The following MAPKAPK3 variants were observed in gnomAD, a reference collection of about 807,000 sequenced individuals.
The protein encoded by MAPKAPK3 is MAP kinase-activated protein kinase 3.
In MAPKAPK3, 35 loss-of-function variants were observed where a neutral mutation model predicts 49.2. The ratio of observed to expected loss-of-function variants is 0.71; its 90% CI spans 0.54 to 0.94. The LOEUF (loss-of-function observed/expected upper bound fraction) is 0.94, where lower values mean the gene tolerates loss of function less well. Among genes scored for constraint, MAPKAPK3 ranks in the 40% least tolerant of loss-of-function variants. The probability of loss-of-function intolerance (pLI) is 0.00; values close to 1 mark genes in which losing one functional copy is unlikely to be tolerated. For missense variants in MAPKAPK3, 398 were observed against 493.1 expected, an observed-to-expected ratio of 0.81 and a Z score of 1.83; for synonymous variants, 178 against 188.7, an observed-to-expected ratio of 0.94 and a Z score of 0.46.
At chr3:50,644,123 C>T (rs1466405987) in intron 5 of MAPKAPK3, among the ~76,000 whole-genome samples, 3 of 152,208 alleles carry the variant, frequency 2.0e-5, no homozygotes, top group African/African-American at 7.2e-5. Flanking sequence ...ATGGCAATGT[C>T]ACCAACTCAG....
At chr3:50,621,744 G>A (rs2032615882) in intron 2 of MAPKAPK3, among the ~76,000 whole-genome samples, 1 of 152,152 alleles carries the variant, frequency 6.6e-6, no homozygotes, top group South Asian at 2.1e-4. Context: ...CTGTACTCCA[G>A]CCTGGGTGAC....
upstream of MAPKAPK3, chr3:50,611,890 G>C (rs1022174453): frequency 3.7e-6 from 2 of 537,138 alleles, no homozygotes; most frequent in Non-Finnish European, 3.0e-6. Flanking sequence ...CCCGGAAGCA[G>C]CGTCTTCCTA....
At chr3:50,632,889 G>A (rs1156714272) in intron 2 of MAPKAPK3, among the ~76,000 whole-genome samples, 1 of 152,254 alleles carries the variant, frequency 6.6e-6, no homozygotes, top group Non-Finnish European at 1.5e-5. Flanking sequence ...GCACTGGGGT[G>A]AGCTGGATGG....
At chr3:50,620,543 A>G (rs1020388804) in intron 2 of MAPKAPK3, among the ~76,000 whole-genome samples, 1 of 152,096 alleles carries the variant, frequency 6.6e-6, no homozygotes, top group Non-Finnish European at 1.5e-5. Context: ...AACTCAGCAA[A>G]CACTCATAAA....
rs538036762 is a variant in MAPKAPK3, at chr3:50,617,252, G to T, written c.-53+11G>T. 4.1e-4 allele frequency: 109 copies of T among 264,388 alleles called. No individual in the cohort carries two copies. Among genetic ancestry groups the T allele is most frequent in the African/African-American group, 2.3e-3 (102 of 45,212 alleles). The allele number at this position is 264,388 out of a possible 1,614,324, so 16.4% of individuals were successfully genotyped here. ...GTGCGTTGCCGCCAGGTACGCCCTC[G>T]CTGGGCCCCCTCTGCGGCCTCCTCC... On this transcript the variant is annotated intron_variant, in intron 1 of 10. Transcript: ENST00000621469.
intron 2 of MAPKAPK3, among the ~76,000 whole-genome samples, chr3:50,631,198 C>T (rs1409588203): frequency 1.3e-5 from 2 of 152,142 alleles, no homozygotes; most frequent in Non-Finnish European, 2.9e-5. Flanking sequence ...TACGAAAGCT[C>T]GGAGAATGAG....
intron 2 of MAPKAPK3, among the ~76,000 whole-genome samples, chr3:50,627,072 T>C: frequency 6.6e-6 from 1 of 151,320 alleles, no homozygotes; most frequent in Admixed American, 6.6e-5. Context: ...TAATACCAGC[T>C]ACTTGAGAGG....
At chr3:50,611,993 G>A (rs1575988864) in exon 1 of MAPKAPK3, 2 of 338,344 alleles carry the variant, frequency 5.9e-6, no homozygotes, top group Non-Finnish European at 5.4e-6. Flanking sequence ...TACTTTGACA[G>A]ATTTCCAAGA....
chr3:50,615,823 T>C (rs1158832374), upstream of MAPKAPK3, among the ~76,000 whole-genome samples: 3 of 152,166 alleles, frequency 2.0e-5, no homozygotes, highest in Non-Finnish European at 4.4e-5. Context: ...CCCAACCCCA[T>C]CTCCACTCAA....
chr3:50,622,799 G>T (rs2032642835), intron 2 of MAPKAPK3, among the ~76,000 whole-genome samples: 1 of 152,236 alleles, frequency 6.6e-6, no homozygotes, highest in Non-Finnish European at 1.5e-5. Flanking sequence ...GCCCATTCAT[G>T]AGGCCATTTC....
chr3:50,613,333 G>A (rs752661546), upstream of MAPKAPK3, among the ~76,000 whole-genome samples: 8 of 152,214 alleles, frequency 5.3e-5, no homozygotes, highest in South Asian at 2.1e-4. Flanking sequence ...GGGAAAAAAC[G>A]TTAAGTTTCA....
Position 50,642,206 on chromosome 3 carries a change from T to C in MAPKAPK3, c.425-47T>C. On this transcript the variant is annotated intron_variant, in intron 4 of 10. Coordinates refer to ENST00000621469, the MANE Select transcript of MAPKAPK3 (RefSeq NM_001243925.2). ...CAGGAGGGATGATAGGGTGGGGGCTTGACCTTTGACTGGCATCACTGACCC... is the reference window on the plus strand; with the variant it reads ...CAGGAGGGATGATAGGGTGGGGGCTCGACCTTTGACTGGCATCACTGACCC... The C allele has an allele frequency of 6.9e-6, 9 of 1,299,100 alleles. No homozygotes were observed. In the South Asian group the frequency reaches 1.1e-4, roughly 15 times the overall value. 80.5% of individuals were successfully genotyped at this position (1,299,100 alleles called of 1,614,324 possible).
At chr3:50,630,482 G>C (rs1035210571) in intron 2 of MAPKAPK3, among the ~76,000 whole-genome samples, 32 of 152,258 alleles carry the variant, frequency 2.1e-4, no homozygotes, top group African/African-American at 7.0e-4. Context: ...CTGACCCTCA[G>C]TTTCCTCATC....
intron 2 of MAPKAPK3, among the ~76,000 whole-genome samples, chr3:50,624,499 G>A (rs985175038): frequency 6.6e-6 from 1 of 152,198 alleles, no homozygotes; most frequent in Non-Finnish European, 1.5e-5. Flanking sequence ...AGGCGTTTGT[G>A]TAGGGCCTTG....
intron 2 of MAPKAPK3, among the ~76,000 whole-genome samples, chr3:50,632,263 A>T (rs921128609): frequency 6.6e-6 from 1 of 152,206 alleles, no homozygotes; most frequent in Non-Finnish European, 1.5e-5. Context: ...GCTCCTCTTC[A>T]TGGGGGTAAT....
chr3:50,646,202 G>A lies in MAPKAPK3; in HGVS notation c.767G>A (p.Arg256Lys), dbSNP rs2033290677. 2 of 1,614,046 alleles carry A rather than the reference G, an allele frequency of 1.2e-6. No individual in the cohort carries two copies. Among genetic ancestry groups the A allele is most frequent in the African/African-American group, 1.3e-5 (1 of 74,918 alleles). ...CAGGCCATCTCCCCGGGGATGAAGA[G>A]GAGGATTCGCCTGGGCCAGTACGGC... is the stretch of plus-strand genomic sequence containing the variant. ...TGQAISPGMKRRIRLGQYGFP... is the reference protein window; with the variant it reads ...TGQAISPGMKKRIRLGQYGFP... Residue 256 changes from arginine (R) to lysine (K), a missense_variant, in exon 8 of 11, where the codon AGG (arginine) becomes AAG (lysine). Physicochemically the swap from Arg to Lys is conservative, Grantham distance 26 (BLOSUM62 2). Around this residue, in one of 5 missense-constraint regions of MAPKAPK3, gnomAD observed 152 missense variants for 177.3 expected, o/e 0.86. Transcript: ENST00000621469.
intron 6 of MAPKAPK3, among the ~76,000 whole-genome samples, chr3:50,645,468 T>C (rs936714): frequency 0.95 from 145,347 of 152,306 alleles, 69,766 homozygotes; most frequent in East Asian, 1. Flanking sequence ...TTGAGACTGG[T>C]AGAGGGGCTC....
At chr3:50,615,479 C>T (rs1475736289), upstream of MAPKAPK3, among the ~76,000 whole-genome samples, 1 of 128,178 alleles carries the variant, frequency 7.8e-6, no homozygotes, top group African/African-American at 2.6e-5. Context: ...CCAGAAAGGA[C>T]TAGGAGAGGA....
intron 2 of MAPKAPK3, among the ~76,000 whole-genome samples, chr3:50,627,748 A>AC (rs2032797440): frequency 6.6e-6 from 1 of 152,028 alleles, no homozygotes; most frequent in African/African-American, 2.4e-5. Context: ...GTGATCAGAG[A>AC]CTAGGAAAGC....
Sources: allele counts gnomAD v4.1 joint callset (sites outside exome capture counted in the v4.1 genomes callset), GRCh38; gene constraint gnomAD v4.1.1; regional missense constraint gnomAD v4.1.1; transcripts MANE v1.5; gene names NCBI Gene and HGNC (gene_info 2026-07-23, HGNC 2026-07-21).